The following USP4 variants were observed in gnomAD, a reference collection of about 807,000 sequenced individuals.
The protein encoded by USP4 is ubiquitin specific peptidase 4.
A neutral mutation model predicts 118.2 loss-of-function variants in USP4; 72 were observed. The observed-to-expected ratio is 0.61, with a 90% CI of 0.50 to 0.74. The LOEUF (loss-of-function observed/expected upper bound fraction) is 0.74. Among genes scored for constraint, USP4 ranks in the 30% least tolerant of loss-of-function variants. The pLI is 0.00. For missense variants in USP4, 1,037 were observed against 1,185.7 expected, an observed-to-expected ratio of 0.87 and a Z score of 1.84; for synonymous variants, 415 against 440.4, an observed-to-expected ratio of 0.94 and a Z score of 0.72.
At chr3:49,337,050 C>T (rs936176139) in intron 1 of USP4, among the ~76,000 whole-genome samples, 13 of 151,978 alleles carry the variant, frequency 8.6e-5, no homozygotes, top group African/African-American at 2.2e-4. Flanking sequence ...TTTGAGAGGC[C>T]GAGGTGGATG....
rs190757917 is a variant in USP4 at position 49,302,696 on chromosome 3, A to G, written c.1129-154T>C. On this transcript the variant is annotated intron_variant, in intron 9 of 21. Coordinates refer to ENST00000265560, the MANE Select transcript of USP4 (RefSeq NM_003363.4). Reference sequence around the variant, plus strand: ...TCCAATTAACTCCTGAAGAGCCTACAGGAGGCCAGTGGTTCCCACCAGAAA... The same window carrying G: ...TCCAATTAACTCCTGAAGAGCCTACGGGAGGCCAGTGGTTCCCACCAGAAA... Among the ~76,000 whole-genome samples, 3 of 152,322 alleles carry G rather than the reference A, an allele frequency of 2.0e-5. No homozygotes were observed. In the East Asian group the frequency reaches 5.8e-4, roughly 29 times the overall value.
intron 1 of USP4, among the ~76,000 whole-genome samples, chr3:49,338,003 G>A (rs1343727977): frequency 1.5e-5 from 2 of 133,612 alleles, no homozygotes; most frequent in East Asian, 2.1e-4. Flanking sequence ...CCGAGATCGC[G>A]CCACTGCACT....
At chr3:49,310,531 T>C in intron 8 of USP4, 89 bp downstream of exon 8, 1 of 1,129,600 alleles carries the variant, frequency 8.9e-7, no homozygotes, top group Non-Finnish European at 1.3e-6. Flanking sequence ...CAGGGACTCC[T>C]GGGAGAGGAT....
At chr3:49,295,563 T>C (rs936471147) in intron 13 of USP4, among the ~76,000 whole-genome samples, 5 of 152,024 alleles carry the variant, frequency 3.3e-5, no homozygotes, top group Admixed American at 3.3e-4. Flanking sequence ...ATACATGGGA[T>C]TGAGGAGATT....
At chr3:49,317,424 G>C in intron 6 of USP4, 1 of 950,076 alleles carries the variant, frequency 1.1e-6, no homozygotes, top group Non-Finnish European at 1.7e-6. Context: ...TGACCAGCTT[G>C]TTGTCGTAGT....
intron 11 of USP4, 33 bp from the exon 12 acceptor site, chr3:49,298,668 T>C: frequency 6.2e-7 from 1 of 1,606,072 alleles, no homozygotes; most frequent in South Asian, 1.1e-5. Context: ...GTCACAGGGG[T>C]GCCCCACAAA....
At chr3:49,299,494 G>A (rs900739672) in intron 11 of USP4, among the ~76,000 whole-genome samples, 33 of 151,704 alleles carry the variant, frequency 2.2e-4, no homozygotes, top group African/African-American at 7.0e-4. Context: ...CCGGGTTCAC[G>A]CCATTCTCCT....
At chr3:49,330,339 T>C (rs1011972081) in intron 2 of USP4, among the ~76,000 whole-genome samples, 2 of 151,984 alleles carry the variant, frequency 1.3e-5, no homozygotes, top group Admixed American at 6.6e-5. Context: ...CAGTAACTTT[T>C]TTTTTTTTGA....
intron 19 of USP4, among the ~76,000 whole-genome samples, chr3:49,283,363 T>C (rs1325771401): frequency 1.3e-5 from 2 of 151,888 alleles, no homozygotes; most frequent in Non-Finnish European, 2.9e-5. Context: ...AGTCTCTCTA[T>C]GTTGTCCAGG....
At chr3:49,295,015 C>G (rs969860097) in intron 13 of USP4, among the ~76,000 whole-genome samples, 1 of 152,080 alleles carries the variant, frequency 6.6e-6, no homozygotes, top group African/African-American at 2.4e-5. Context: ...GTTGGCTGGG[C>G]GCGGTGGCTC....
At chr3:49,291,573 CAAAA>C (rs768383989) in intron 15 of USP4, among the ~76,000 whole-genome samples, 3 of 46,934 alleles carry the variant, frequency 6.4e-5, no homozygotes, top group Non-Finnish European at 9.4e-5. Context: ...GATTCCGTCT[CAAAA>C]AAAAAAAAAA....
chr3:49,307,316 C>T (rs1161687187), intron 8 of USP4, among the ~76,000 whole-genome samples: 1 of 150,882 alleles, frequency 6.6e-6, no homozygotes, highest in Non-Finnish European at 1.5e-5. Context: ...GGCGTAGTGG[C>T]ACATGCCTGT....
At chr3:49,329,961 G>A (rs2047596053) in intron 2 of USP4, among the ~76,000 whole-genome samples, 1 of 152,062 alleles carries the variant, frequency 6.6e-6, no homozygotes, top group African/African-American at 2.4e-5. Context: ...CCAACATGGT[G>A]AAACCTGGTC....
At chr3:49,323,122 C>G (rs1421718670) in intron 6 of USP4, among the ~76,000 whole-genome samples, 1 of 151,694 alleles carries the variant, frequency 6.6e-6, no homozygotes, top group East Asian at 1.9e-4. Flanking sequence ...TATGCACCAC[C>G]ACGCCTGGCT....
intron 6 of USP4, chr3:49,313,823 G>A (rs888328387): frequency 1.3e-5 from 2 of 151,994 alleles, no homozygotes; most frequent in Non-Finnish European, 2.9e-5. Context: ...ATCTATATAA[G>A]GACATAAGGA....
intron 8 of USP4, among the ~76,000 whole-genome samples, chr3:49,309,771 C>T (rs1240905568): frequency 8.0e-5 from 12 of 150,340 alleles, no homozygotes; most frequent in Non-Finnish European, 1.6e-4. Context: ...GGATTACAGG[C>T]GTGTGCCACC....
At chr3:49,304,730 A>T (rs1271526011) in intron 9 of USP4, among the ~76,000 whole-genome samples, 1 of 152,004 alleles carries the variant, frequency 6.6e-6, no homozygotes, top group Non-Finnish European at 1.5e-5. Flanking sequence ...CCGGGACTAC[A>T]GGTACATCAC....
At position 49,324,903 on chromosome 3, in the gene USP4, G is replaced by T; in HGVS notation, c.624C>A (p.Tyr208Ter). Residue 208 changes from tyrosine (Y) to a stop codon, truncating the protein, a stop_gained, in exon 5 of 22, where the codon TAC (tyrosine) becomes TAA (stop). Transcript: ENST00000265560. LOFTEE classifies it high-confidence loss of function. Reference protein sequence around the residue: ...LDNTVQDAGLYQGQVLVIEPQ... With the variant: ...LDNTVQDAGL ...GCCAGGGCCCTCCTACCTGACCCTGGTATAGCCCAGCATCCTGGACAGTGT... is the reference window on the plus strand; with the variant it reads ...GCCAGGGCCCTCCTACCTGACCCTGTTATAGCCCAGCATCCTGGACAGTGT... 6.2e-7 allele frequency: 1 copy of T among 1,614,144 alleles called. No individual in the cohort carries two copies. Among genetic ancestry groups the T allele is most frequent in the Non-Finnish European group, 8.5e-7 (1 of 1,180,022 alleles).
chr3:49,324,218 C>T (rs574578254), intron 6 of USP4, among the ~76,000 whole-genome samples: 186 of 152,168 alleles, frequency 1.2e-3, no homozygotes, highest in Non-Finnish European at 2.0e-3. Context: ...AGGCTGGGCT[C>T]GAACTCCTGG....
Sources: gnomAD v4.1 joint callset for allele counts (sites outside exome capture counted in the v4.1 genomes callset) on GRCh38, gnomAD v4.1.1 for gene constraint, MANE v1.5 for transcripts, NCBI Gene and HGNC (gene_info 2026-07-23, HGNC 2026-07-21) for gene names.